Variants in PDK4 observed in about 807,000 individuals in gnomAD.
PDK4 encodes pyruvate dehydrogenase kinase 4.
PDK4 carries 43 observed loss-of-function variants against 51.7 expected under a neutral mutation model. The observed-to-expected ratio is 0.83, with a 90% CI of 0.65 to 1.07. PDK4 has a LOEUF of 1.07. Ranked by LOEUF, PDK4 falls within the 50% of genes least tolerant of loss-of-function variation. The probability of loss-of-function intolerance (pLI) is 0.00; values close to 1 mark genes in which losing one functional copy is unlikely to be tolerated. For synonymous variants in PDK4, 170 were observed against 176.6 expected (o/e 0.96, Z 0.30); for missense variants, 498 against 503.5 (o/e 0.99, Z 0.10).
At position 95,592,918 on chromosome 7, in the gene PDK4, C is replaced by A. The variant is rs756282998; in HGVS notation, c.371G>T (p.Arg124Leu). 2 of 1,600,520 alleles carry A rather than the reference C, an allele frequency of 1.2e-6. No individual in the cohort carries two copies. The highest frequency in any genetic ancestry group is 1.7e-5 in the Admixed American group (1 of 58,164). The change falls in exon 4 of 11, where the codon CGA becomes CTA. Residue 124 changes from arginine to leucine, a missense_variant. Physicochemically the swap from Arg to Leu is moderately radical, Grantham distance 102. Coordinates refer to ENST00000005178, the MANE Select transcript of PDK4 (RefSeq NM_002612.4). ...AGGGACTACATTATGGTGTCTATTTCGAACTTTGATGAGTGTATCTACAAA... is the reference window on the plus strand; with the variant it reads ...AGGGACTACATTATGGTGTCTATTTAGAACTTTGATGAGTGTATCTACAAA... ...SDFVDTLIKV[R>L]NRHHNVVPTM...
At chr7:95,592,434 G>A (rs1791562272) in intron 5 of PDK4, 77 bp downstream of exon 5, 1 of 838,638 alleles carries the variant, frequency 1.2e-6, no homozygotes, top group Admixed American at 1.9e-5. Context: ...TTCATTCACA[G>A]AGTCACCTCA....
chr7:95,583,905 T>C lies in PDK4; in HGVS notation c.*1736A>G, dbSNP rs2116707320. On this transcript the variant is annotated 3_prime_UTR_variant, in exon 11 of 11. Coordinates refer to ENST00000005178, the MANE Select transcript of PDK4 (RefSeq NM_002612.4). ...ACTGTTTTGTATAATCAGAAATGCA[T>C]GAGCTGGACTCCCACCATTAAGAAA... The C allele has an allele frequency of 6.6e-6, 1 of 152,534 alleles. No individual in the cohort carries two copies. The highest frequency in any genetic ancestry group is 1.9e-4 in the East Asian group (1 of 5,182). The allele number at this position is 152,534 out of a possible 1,614,324, so 9.4% of individuals were successfully genotyped here.
intron 1 of PDK4, 106 bp downstream of exon 1, chr7:95,596,058 A>G: frequency 8.0e-7 from 1 of 1,244,358 alleles, no homozygotes; most frequent in East Asian, 2.8e-5. Context: ...CAGCAAAGTG[A>G]ACCCCAGTTG....
At chr7:95,589,930 T>A (rs1791531092) in intron 6 of PDK4, among the ~76,000 whole-genome samples, 1 of 152,136 alleles carries the variant, frequency 6.6e-6, no homozygotes, top group African/African-American at 2.4e-5. Context: ...AATGCTCTTT[T>A]GTTAATTGTT....
chr7:95,589,831 C>T (rs1562837411), intron 6 of PDK4, 115 bp from the exon 7 acceptor site: 4 of 640,506 alleles, frequency 6.2e-6, no homozygotes, highest in African/African-American at 1.8e-5. Flanking sequence ...TCTCTACCTT[C>T]CCCATCCCCA....
Position 95,596,372 on chromosome 7 carries a change from G to A in PDK4, c.-79C>T, listed in dbSNP as rs1584126601. ...TGCTCGGAGCAGAGCCTGGTTCCGA[G>A]GGGGCGCGGCGCGTCCGGGCGAGGA... On this transcript the variant is annotated 5_prime_UTR_variant, in exon 1 of 11. Transcript: ENST00000005178. The A allele has an allele frequency of 4.2e-6, 6 of 1,438,762 alleles. No homozygotes were observed. The highest frequency in any genetic ancestry group is 3.0e-5 in the African/African-American group (2 of 66,022). The allele number at this position is 1,438,762 out of a possible 1,614,324, so 89.1% of individuals were successfully genotyped here.
intron 2 of PDK4, 48 bp from the exon 3 acceptor site, chr7:95,593,818 A>G: frequency 1.2e-6 from 1 of 804,610 alleles, no homozygotes; most frequent in Non-Finnish European, 2.1e-6. Flanking sequence ...ATAGTCAGAT[A>G]CAAATGGCTG....
chr7:95,593,823 T>C, intron 2 of PDK4, 53 bp from the exon 3 acceptor site: 1 of 762,588 alleles, frequency 1.3e-6, no homozygotes, highest in Non-Finnish European at 2.3e-6. Context: ...CAGATACAAA[T>C]GGCTGAAAAT....
rs1371801965 is a variant in PDK4 at position 95,585,160 on chromosome 7, TA to T, written c.*480del. The T allele has an allele frequency of 1.3e-5, 2 of 152,404 alleles. No homozygotes were observed. The highest frequency in any genetic ancestry group is 4.8e-5 in the African/African-American group (2 of 41,478). 9.4% of individuals were successfully genotyped at this position (152,404 alleles called of 1,614,324 possible). A position where few individuals can be genotyped will look rare whatever the true frequency, so the allele number is the denominator to read the frequency against. On this transcript the variant is annotated 3_prime_UTR_variant, in exon 11 of 11. Transcript: ENST00000005178. ...AGCATTTCCTTCCATAGCACATAAA[TA>T]TGTTCAAAATGTACATTGACATATA...
chr7:95,589,178 C>T (rs542006576), intron 7 of PDK4, among the ~76,000 whole-genome samples: 2 of 152,330 alleles, frequency 1.3e-5, no homozygotes, highest in South Asian at 4.1e-4. Flanking sequence ...GAAGGAACTA[C>T]TGACTGTGCT....
At chr7:95,594,932 T>G (rs1791597036) in intron 2 of PDK4, 91 bp downstream of exon 2, 2 of 774,206 alleles carry the variant, frequency 2.6e-6, no homozygotes, top group South Asian at 2.7e-5. Flanking sequence ...TCAGATCACC[T>G]GTTTTCCAAT....
rs752189618 is a variant in PDK4, at chr7:95,592,795, T to C, written c.494A>G (p.Asn165Ser). Residue 165 changes from asparagine to serine, a missense_variant, in exon 4 of 11, where the codon AAC becomes AGC. Asn to Ser is a conservative substitution (Grantham distance 46). Coordinates refer to ENST00000005178, the MANE Select transcript of PDK4 (RefSeq NM_002612.4). ...LQYFLDRFYM[N>S]RISTRMLMNQ... ...CATCAGCATCCGAGTAGAAATACGGTTCATGTAAAATCGATCCAAGAAATA... is the reference window on the plus strand; with the variant it reads ...CATCAGCATCCGAGTAGAAATACGGCTCATGTAAAATCGATCCAAGAAATA... The C allele has an allele frequency of 1.3e-5, 21 of 1,613,072 alleles. No homozygotes were observed. The highest frequency in any genetic ancestry group is 1.8e-5 in the Non-Finnish European group (21 of 1,179,532).
chr7:95,589,131 C>T (rs753307174), intron 7 of PDK4, among the ~76,000 whole-genome samples: 27 of 152,268 alleles, frequency 1.8e-4, no homozygotes, highest in Middle Eastern at 3.4e-3. Flanking sequence ...TTAACTAAGT[C>T]CCCAGGTGAT....
intron 6 of PDK4, 141 bp from the exon 7 acceptor site, chr7:95,589,857 A>G: frequency 1.7e-6 from 1 of 600,674 alleles, no homozygotes; most frequent in Non-Finnish European, 3.0e-6. Flanking sequence ...TGCCCTAGAA[A>G]CTTACCACTT....
Position 95,587,732 on chromosome 7 carries a change from T to C in PDK4, c.865A>G (p.Ile289Val), listed in dbSNP as rs752699590. ...IVVLGKEDLTIKISDRGGGVP... is the reference protein window; with the variant it reads ...IVVLGKEDLTVKISDRGGGVP... ...GGAAAACAGAGAATGGTTACCTTAA[T>C]GGTAAGGTCTTCTTTTCCCAAGACA... The change falls in exon 8 of 11, where the codon ATT becomes GTT. Residue 289 changes from isoleucine (I) to valine (V), a missense_variant. Coordinates refer to ENST00000005178, the MANE Select transcript of PDK4 (RefSeq NM_002612.4). 1.3e-6 allele frequency: 2 copies of C among 1,591,510 alleles called. No homozygotes were observed. Among genetic ancestry groups the C allele is most frequent in the African/African-American group, 1.3e-5 (1 of 74,486 alleles).
chr7:95,589,640 C>A lies in PDK4; in HGVS notation c.771G>T (p.Lys257Asn). 2 of 1,479,330 alleles carry A rather than the reference C, an allele frequency of 1.4e-6. No individual in the cohort carries two copies. Among genetic ancestry groups the A allele is most frequent in the Middle Eastern group, 1.7e-4 (1 of 5,816 alleles). 91.6% of individuals were successfully genotyped at this position (1,479,330 alleles called of 1,614,324 possible). A position where few individuals can be genotyped will look rare whatever the true frequency, so the allele number is the denominator to read the frequency against. The change falls in exon 7 of 11, where the codon AAG becomes AAT. Residue 257 changes from lysine to asparagine, a missense_variant and splice_region_variant. By Grantham distance (94) the Lys-to-Asn change is moderately conservative (BLOSUM62 0). Transcript: ENST00000005178. ...HLHHMLFELF[K>N]NAMRATVEHQ... ...TTTCAATTATTGTGAAGTATCATAC[C>A]TTAAATAGTTCAAAGAGCATATGAT...
intron 10 of PDK4, among the ~76,000 whole-genome samples, chr7:95,586,194 G>GTTTTTTTTTTTTT (rs11377701): frequency 8.3e-6 from 1 of 120,810 alleles, no homozygotes; most frequent in Non-Finnish European, 1.6e-5. Flanking sequence ...ATGCACCAAG[G>GTTTTTTTTTTTTT]TTTTTTTTTT....
intron 10 of PDK4, 49 bp from the exon 11 acceptor site, chr7:95,585,830 C>T (rs560865642): frequency 1.2e-5 from 18 of 1,515,936 alleles, no homozygotes; most frequent in Admixed American, 7.2e-5. Flanking sequence ...TTATGCATGG[C>T]ATAATTTGCA....
At chr7:95,593,825 G>T in intron 2 of PDK4, 55 bp from the exon 3 acceptor site, 1 of 740,898 alleles carries the variant, frequency 1.3e-6, no homozygotes, top group Non-Finnish European at 2.3e-6. Flanking sequence ...GATACAAATG[G>T]CTGAAAATAG....
Sources: gnomAD v4.1 joint callset for allele counts (sites outside exome capture counted in the v4.1 genomes callset) on GRCh38, gnomAD v4.1.1 for gene constraint, MANE v1.5 for transcripts, NCBI Gene and HGNC (gene_info 2026-07-23, HGNC 2026-07-21) for gene names.